Variants in GRIP2 observed in about 807,000 individuals in gnomAD.
GRIP2 encodes glutamate receptor interacting protein 2.
Under a neutral mutation model 108.3 loss-of-function variants are expected in GRIP2, and 58 were observed. The observed-to-expected ratio is 0.54, with a 90% CI of 0.43 to 0.67. GRIP2 has a LOEUF of 0.67. GRIP2 is among the 30% of genes least tolerant of loss of function. The pLI, the probability that GRIP2 is intolerant of heterozygous loss-of-function variation, is 0.00. For missense variants in GRIP2, 1,278 were observed against 1,430.6 expected (o/e 0.89, Z 1.72); for synonymous variants, 586 against 598.2 (o/e 0.98, Z 0.30).
At chr3:14,504,878 G>A (rs1044234318) in intron 20 of GRIP2, among the ~76,000 whole-genome samples, 2 of 152,198 alleles carry the variant, frequency 1.3e-5, no homozygotes, top group African/African-American at 2.4e-5. Context: ...TAGGGGCCAC[G>A]CGTGGAGCTG....
Position 14,491,771 on chromosome 3 carries a change from C to G in GRIP2, c.*1894G>C, listed in dbSNP as rs1031552934. 1 of 152,338 alleles carries G rather than the reference C, an allele frequency of 6.6e-6. No individual in the cohort carries two copies. The highest frequency in any genetic ancestry group is 1.5e-5 in the Non-Finnish European group (1 of 68,128). 9.4% of individuals were successfully genotyped at this position (152,338 alleles called of 1,614,324 possible). A position where few individuals can be genotyped will look rare whatever the true frequency, so the allele number is the denominator to read the frequency against. On this transcript the variant is annotated 3_prime_UTR_variant, in exon 24 of 24. Transcript: ENST00000621039. ...GGTCCAGAGAGGCTGAGCCACCTGTCCAAGGTCACACAGCTATGGCTGCTT... is the reference window on the plus strand; with the variant it reads ...GGTCCAGAGAGGCTGAGCCACCTGTGCAAGGTCACACAGCTATGGCTGCTT...
intron 10 of GRIP2, 25 bp downstream of exon 10, chr3:14,517,747 A>T: frequency 6.2e-7 from 1 of 1,608,656 alleles, no homozygotes; most frequent in Non-Finnish European, 8.5e-7. Context: ...AGACTGGCTG[A>T]GCTACAGCAG....
At chr3:14,564,612 C>A in the GRIP2 span, among the ~76,000 whole-genome samples, 1 of 152,202 alleles carries the variant, frequency 6.6e-6, no homozygotes, top group Admixed American at 6.5e-5. Context: ...TGCAAGGGCT[C>A]CGTGCGTGGG....
chr3:14,528,001 G>A (rs750719766), intron 1 of GRIP2, among the ~76,000 whole-genome samples: 8 of 152,088 alleles, frequency 5.3e-5, no homozygotes, highest in Non-Finnish European at 8.8e-5. Context: ...CCACCACCAC[G>A]ACCAAGTTTT....
intron 1 of GRIP2, among the ~76,000 whole-genome samples, chr3:14,532,026 C>A (rs1400673831): frequency 6.6e-6 from 1 of 152,194 alleles, no homozygotes; most frequent in African/African-American, 2.4e-5. Context: ...CCAACCTCTG[C>A]GGCTCCAGCT....
chr3:14,584,447 ACT>A, the GRIP2 span, among the ~76,000 whole-genome samples: 4 of 151,998 alleles, frequency 2.6e-5, no homozygotes, highest in East Asian at 5.8e-4. Context: ...TTGCTGCGTG[ACT>A]CTGTGCATAT....
At chr3:14,576,043 G>T in the GRIP2 span, among the ~76,000 whole-genome samples, 2 of 152,230 alleles carry the variant, frequency 1.3e-5, no homozygotes, top group African/African-American at 4.8e-5. Flanking sequence ...CCCCTGTGGG[G>T]CTCAGGACTG....
At chr3:14,525,266 T>C (rs1288830112) in intron 3 of GRIP2, among the ~76,000 whole-genome samples, 171 bp downstream of exon 3, 2 of 152,162 alleles carry the variant, frequency 1.3e-5, no homozygotes, top group Non-Finnish European at 2.9e-5. Context: ...GGCCTAGAAT[T>C]ACAGCCTCCA....
intron 1 of GRIP2, among the ~76,000 whole-genome samples, chr3:14,527,391 A>AGGAAAGGAAAGGAAAGAAAGGAAAG (rs72297166): frequency 5.7e-5 from 8 of 140,738 alleles, no homozygotes; most frequent in South Asian, 2.5e-4. Context: ...AGGAAAGGAA[A>AGGAAAGGAAAGGAAAGAAAGGAAAG]GAAAGGAAAG....
rs528293528 is a variant in GRIP2, at chr3:14,522,545, C to G, written c.566+455G>C. On this transcript the variant is annotated intron_variant, in intron 6 of 23. Transcript: ENST00000621039. The surrounding 1 kb of genome is among the most constrained non-coding windows in gnomAD (Gnocchi z 4.3). ...GGGCTGGGAACTGGACATGTTCTTT[C>G]CCCACATTCTCTCCTCCTGGCCCTT... The G allele has an allele frequency of 3.1e-3, 493 of 161,504 alleles. 4 individuals carry two copies. Among genetic ancestry groups the G allele is most frequent in the African/African-American group, 0.01 (420 of 41,694 alleles). 10.0% of individuals were successfully genotyped at this position (161,504 alleles called of 1,614,324 possible).
At chr3:14,562,778 G>A in the GRIP2 span, among the ~76,000 whole-genome samples, 2 of 152,086 alleles carry the variant, frequency 1.3e-5, no homozygotes, top group Non-Finnish European at 2.9e-5. Flanking sequence ...TCTCAGCATC[G>A]CCCAGAGTGG....
chr3:14,560,333 T>C (rs1284696166), upstream of GRIP2, among the ~76,000 whole-genome samples: 1 of 152,202 alleles, frequency 6.6e-6, no homozygotes, highest in Non-Finnish European at 1.5e-5. Context: ...TCTCTGCCCA[T>C]GTGCAGTCCA....
intron 21 of GRIP2, among the ~76,000 whole-genome samples, chr3:14,497,953 G>C (rs760672021): frequency 4.6e-5 from 7 of 152,172 alleles, no homozygotes; most frequent in Non-Finnish European, 7.3e-5. Flanking sequence ...AGATGGAGGT[G>C]GGGGTGCTGG....
chr3:14,579,962 G>A, the GRIP2 span, among the ~76,000 whole-genome samples: 1 of 152,206 alleles, frequency 6.6e-6, no homozygotes, highest in African/African-American at 2.4e-5. Context: ...ATGGGGTGAG[G>A]CTGTCCATCA....
intron 22 of GRIP2, among the ~76,000 whole-genome samples, chr3:14,495,213 C>G (rs953283943): frequency 6.6e-6 from 1 of 151,714 alleles, no homozygotes; most frequent in Non-Finnish European, 1.5e-5. Flanking sequence ...TCAAGTACGA[C>G]GGAGCCCTTA....
At position 14,525,923 on chromosome 3, in the gene GRIP2, G is replaced by T; in HGVS notation, c.49C>A (p.Pro17Thr). The T allele has an allele frequency of 6.4e-7, 1 of 1,557,704 alleles. No homozygotes were observed. The highest frequency in any genetic ancestry group is 1.2e-5 in the South Asian group (1 of 84,340). ...RETPGEADDGPYSKGGKDAGG... is the reference protein window; with the variant it reads ...RETPGEADDGTYSKGGKDAGG... ...GCGTCCTTGCCTCCTTTGGAGTAGG[G>T]CCCATCGTCTGCAGGAGAGAAAGAG... Residue 17 changes from proline to threonine, a missense_variant, in exon 2 of 24, where the codon CCC becomes ACC. Physicochemically the swap from Pro to Thr is conservative, Grantham distance 38. Transcript: ENST00000621039.
chr3:14,525,375 C>T, intron 3 of GRIP2, 62 bp downstream of exon 3: 3 of 1,585,640 alleles, frequency 1.9e-6, no homozygotes, highest in Non-Finnish European at 2.6e-6. Flanking sequence ...TTCCACTGGC[C>T]CTGGGCTCCC....
chr3:14,578,081 T>C, the GRIP2 span, among the ~76,000 whole-genome samples: 5,537 of 152,306 alleles, frequency 0.036, 169 homozygotes, highest in Admixed American at 0.084. Context: ...GTTGCCCTTC[T>C]CTTCCTGCCA....
the GRIP2 span, among the ~76,000 whole-genome samples, chr3:14,585,169 C>T: frequency 1.3e-5 from 2 of 152,190 alleles, no homozygotes; most frequent in East Asian, 3.9e-4. Flanking sequence ...ACTACACTCA[C>T]CCGCCACCAT....
Sources: gnomAD v4.1 joint callset for allele counts (sites outside exome capture counted in the v4.1 genomes callset) on GRCh38, gnomAD v4.1.1 for gene constraint, Gnocchi (gnomAD v3.1) non-coding constraint, MANE v1.5 for transcripts, NCBI Gene and HGNC (gene_info 2026-07-23, HGNC 2026-07-21) for gene names.